Variants in STAU2 observed in about 807,000 individuals in gnomAD.
STAU2 encodes double-stranded RNA-binding protein Staufen homolog 2.
STAU2 carries 20 observed loss-of-function variants against 65.9 expected under a neutral mutation model. That is an observed-to-expected ratio of 0.30 (90% CI 0.21 to 0.44). The LOEUF (loss-of-function observed/expected upper bound fraction) is 0.44. STAU2 is among the 20% of genes least tolerant of loss of function. The pLI is 1.00. For missense variants in STAU2, 558 were observed against 683.9 expected, an observed-to-expected ratio of 0.82 and a Z score of 2.05; for synonymous variants, 232 against 233.9, an observed-to-expected ratio of 0.99 and a Z score of 0.07.
chr8:73,731,386 G>C (rs1806058577), intron 3 of STAU2, among the ~76,000 whole-genome samples: 1 of 152,022 alleles, frequency 6.6e-6, no homozygotes, highest in Admixed American at 6.6e-5. Context: ...TATCTCAGTA[G>C]GACTGCTGGG....
intron 3 of STAU2, among the ~76,000 whole-genome samples, chr8:73,731,026 C>T (rs2130749859): frequency 6.6e-6 from 1 of 152,272 alleles, no homozygotes; most frequent in South Asian, 2.1e-4. Context: ...GAGGACTCTT[C>T]CCAGTGCCCC....
At chr8:73,577,158 C>T (rs1809620485) in intron 12 of STAU2, among the ~76,000 whole-genome samples, 1 of 152,128 alleles carries the variant, frequency 6.6e-6, no homozygotes, top group Non-Finnish European at 1.5e-5. Flanking sequence ...GCCGGGTACA[C>T]TGGCTCACGC....
rs548976592 is a variant in STAU2, at chr8:73,485,692, C to T, written c.1531-62990G>A. ...ACCTACAAAAAATAAAAATATTAGC[C>T]GGGCATGAGCACAAGCCTATAGTCC... On this transcript the variant is annotated intron_variant, in intron 13 of 14. Transcript: ENST00000524300. Among the ~76,000 whole-genome samples, 4 of 151,890 alleles carry T rather than the reference C, an allele frequency of 2.6e-5. No individual in the cohort carries two copies. The South Asian group carries it at 8.3e-4, about 32-fold the overall frequency.
At chr8:73,623,745 G>C (rs1245840113) in intron 6 of STAU2, among the ~76,000 whole-genome samples, 1 of 152,090 alleles carries the variant, frequency 6.6e-6, no homozygotes, top group African/African-American at 2.4e-5. Context: ...AAAACAGCAG[G>C]TTTTTATCAT....
At chr8:73,686,608 G>C (rs1369095091) in intron 5 of STAU2, among the ~76,000 whole-genome samples, 1 of 151,634 alleles carries the variant, frequency 6.6e-6, no homozygotes, top group East Asian at 1.9e-4. Context: ...GGGGAATGAG[G>C]GGTAAAGACT....
chr8:73,524,767 T>C (rs1182152511), intron 13 of STAU2, among the ~76,000 whole-genome samples: 1 of 152,218 alleles, frequency 6.6e-6, no homozygotes, highest in Non-Finnish European at 1.5e-5. Flanking sequence ...AATAGAAACT[T>C]TAAAAAAATG....
chr8:73,684,637 C>T (rs1273712779), intron 5 of STAU2, among the ~76,000 whole-genome samples: 1 of 152,086 alleles, frequency 6.6e-6, no homozygotes, highest in African/African-American at 2.4e-5. Flanking sequence ...AAAGCTTCTG[C>T]ACAGTTAAAT....
chr8:73,613,679 C>A, intron 9 of STAU2, 65 bp downstream of exon 9: 1 of 1,278,296 alleles, frequency 7.8e-7, no homozygotes, highest in Non-Finnish European at 1.1e-6. Flanking sequence ...TAGAAAAATG[C>A]TTATCTATAG....
At chr8:73,601,964 C>T (rs1297765979) in intron 10 of STAU2, among the ~76,000 whole-genome samples, 2 of 152,040 alleles carry the variant, frequency 1.3e-5, no homozygotes, top group Non-Finnish European at 2.9e-5. Context: ...ACATATTTTA[C>T]CAGTGAAAAT....
intron 13 of STAU2, among the ~76,000 whole-genome samples, chr8:73,484,135 C>A (rs1481309409): frequency 2.6e-5 from 4 of 152,064 alleles, no homozygotes; most frequent in African/African-American, 9.7e-5. Flanking sequence ...TCATCAAGTC[C>A]CTGTGTTCCT....
intron 13 of STAU2, among the ~76,000 whole-genome samples, chr8:73,537,567 T>G (rs1297174962): frequency 1.3e-5 from 2 of 152,194 alleles, no homozygotes; most frequent in Non-Finnish European, 1.5e-5. Context: ...GCATAACGTT[T>G]TCCAAGTGCT....
intron 3 of STAU2, among the ~76,000 whole-genome samples, chr8:73,734,233 G>GTTTTTTTTTTT (rs11370206): frequency 7.6e-6 from 1 of 131,586 alleles, no homozygotes; most frequent in Non-Finnish European, 1.6e-5. Context: ...TTCAGGGTTT[G>GTTTTTTTTTTT]TTTTTTTTTT....
chr8:73,665,692 T>C (rs1030453527), intron 6 of STAU2, among the ~76,000 whole-genome samples: 3 of 152,188 alleles, frequency 2.0e-5, no homozygotes, highest in African/African-American at 4.8e-5. Flanking sequence ...GGTTTGTAAC[T>C]GTTCATATCA....
intron 12 of STAU2, among the ~76,000 whole-genome samples, chr8:73,571,556 C>G (rs1809090316): frequency 6.6e-6 from 1 of 152,134 alleles, no homozygotes; most frequent in African/African-American, 2.4e-5. Context: ...TCTCTCAGAC[C>G]ACAGTGCAAT....
At position 73,617,366 on chromosome 8, in the gene STAU2, C is replaced by T; in HGVS notation, c.496G>A (p.Ala166Thr). Residue 166 changes from alanine to threonine, a missense_variant, in exon 7 of 15, where the codon GCT (alanine) becomes ACT (threonine). Ala to Thr is a moderately conservative substitution (Grantham distance 58, BLOSUM62 0). This residue lies in a region of STAU2 where 199 missense variants were observed against 299.5 expected (regional missense o/e 0.66). Transcript: ENST00000524300. ...EFFGEGKTRQAARHNAAMKAL... is the reference protein window; with the variant it reads ...EFFGEGKTRQTARHNAAMKAL... Reference sequence around the variant, plus strand: ...TTCATTGCAGCATTGTGTCTAGCAGCTTGTCGAGTCTTTCCTTCCCCAAAA... The same window carrying T: ...TTCATTGCAGCATTGTGTCTAGCAGTTTGTCGAGTCTTTCCTTCCCCAAAA... 2.5e-6 allele frequency: 4 copies of T among 1,614,126 alleles called. No homozygotes were observed. The highest frequency in any genetic ancestry group is 8.5e-7 in the Non-Finnish European group (1 of 1,180,018).
intron 13 of STAU2, among the ~76,000 whole-genome samples, chr8:73,442,967 A>G (rs369649038): frequency 1.1e-3 from 166 of 152,356 alleles, no homozygotes; most frequent in African/African-American, 3.8e-3. Context: ...AGGAGAATCC[A>G]TGATAGATTT....
At chr8:73,455,951 G>A (rs1819038590) in intron 13 of STAU2, among the ~76,000 whole-genome samples, 1 of 152,160 alleles carries the variant, frequency 6.6e-6, no homozygotes, top group African/African-American at 2.4e-5. Flanking sequence ...TAATGTCTGA[G>A]TGTGTCATCC....
At chr8:73,710,107 T>C (rs1820790625) in intron 3 of STAU2, among the ~76,000 whole-genome samples, 1 of 152,146 alleles carries the variant, frequency 6.6e-6, no homozygotes, top group African/African-American at 2.4e-5. Flanking sequence ...TCAAAATGAC[T>C]GTACCAAATT....
At chr8:73,464,338 T>C (rs1370758866) in intron 13 of STAU2, among the ~76,000 whole-genome samples, 3 of 152,212 alleles carry the variant, frequency 2.0e-5, no homozygotes, top group African/African-American at 7.2e-5. Flanking sequence ...CTGCTTACTG[T>C]TCTTTTAGAG....
Sources: allele counts gnomAD v4.1 joint callset (sites outside exome capture counted in the v4.1 genomes callset), GRCh38; gene constraint gnomAD v4.1.1; regional missense constraint gnomAD v4.1.1; transcripts MANE v1.5; gene names NCBI Gene and HGNC (gene_info 2026-07-23, HGNC 2026-07-21).